The following MMP26 variants were observed in gnomAD, a reference collection of about 807,000 sequenced individuals.
MMP26 encodes matrix metallopeptidase 26, also known as matrix metalloproteinase-26.
A neutral mutation model predicts 31.0 loss-of-function variants in MMP26; 33 were observed. The observed-to-expected ratio is 1.06, with a 90% CI of 0.81 to 1.42. The LOEUF (loss-of-function observed/expected upper bound fraction) is 1.42. Among genes scored for constraint, MMP26 ranks in the 40% most tolerant of loss-of-function variants. MMP26 has a pLI of 0.00. For missense variants in MMP26, 347 were observed against 316.1 expected (o/e 1.10, Z -0.74); for synonymous variants, 122 against 114.9 (o/e 1.06, Z -0.40).
chr11:4,842,866 A>G (rs1364240707), intron 2 of MMP26, among the ~76,000 whole-genome samples: 3 of 152,222 alleles, frequency 2.0e-5, no homozygotes, highest in Non-Finnish European at 4.4e-5. Context: ...CAAGTTATTT[A>G]CTTACAAGAG....
In MMP26 at chr11:4,936,576, G is replaced by T. The variant is rs138797481; in HGVS notation, c.-144-51492G>T. On this transcript the variant is annotated intron_variant, in intron 2 of 7. Transcript: ENST00000380390. ...GATAAAAGATTGAGGAAAATAGTTAGATCTTCACTGATTATTTTTAAATTA... is the reference window on the plus strand; with the variant it reads ...GATAAAAGATTGAGGAAAATAGTTATATCTTCACTGATTATTTTTAAATTA... Among the ~76,000 whole-genome samples, 11 of 152,194 alleles carry T rather than the reference G, an allele frequency of 7.2e-5. No homozygotes were observed. The South Asian group carries it at 2.3e-3, about 32-fold the overall frequency.
At chr11:4,719,888 G>A (rs1847987698) in intron 1 of MMP26, among the ~76,000 whole-genome samples, 1 of 152,146 alleles carries the variant, frequency 6.6e-6, no homozygotes, top group Non-Finnish European at 1.5e-5. Context: ...AAAAGAGAAA[G>A]TGTCTACTTA....
At chr11:4,931,434 A>G (rs901826383) in intron 2 of MMP26, among the ~76,000 whole-genome samples, 1 of 152,102 alleles carries the variant, frequency 6.6e-6, no homozygotes, top group Non-Finnish European at 1.5e-5. Context: ...AAGAAGAGGA[A>G]CAAAGAGCCA....
At chr11:4,883,194 A>C (rs1435631782) in intron 2 of MMP26, among the ~76,000 whole-genome samples, 1 of 151,266 alleles carries the variant, frequency 6.6e-6, no homozygotes, top group African/African-American at 2.4e-5. Flanking sequence ...TAATTTTTAG[A>C]CCAGAAGTAA....
chr11:4,767,910 TTCTG>T (rs1321682350), intron 2 of MMP26, among the ~76,000 whole-genome samples: 1 of 152,208 alleles, frequency 6.6e-6, no homozygotes, highest in Non-Finnish European at 1.5e-5. Context: ...ATTTTTAAGC[TTCTG>T]TCTGTCTCTT....
At chr11:4,766,273 G>C (rs944228410) in intron 1 of MMP26, among the ~76,000 whole-genome samples, 1 of 152,194 alleles carries the variant, frequency 6.6e-6, no homozygotes, top group African/African-American at 2.4e-5. Flanking sequence ...GAGATGGAGA[G>C]AGCTCCAGGA....
chr11:4,894,986 A>G (rs976515580), intron 2 of MMP26, among the ~76,000 whole-genome samples: 1 of 152,222 alleles, frequency 6.6e-6, no homozygotes, highest in Non-Finnish European at 1.5e-5. Context: ...CTTTGAGAAT[A>G]AGAGGTAGAG....
chr11:4,871,632 A>G (rs751775355), intron 2 of MMP26: 7 of 152,218 alleles, frequency 4.6e-5, no homozygotes, highest in Non-Finnish European at 5.9e-5. Flanking sequence ...AAGTCTCCAT[A>G]GAATCACTCC....
At chr11:4,874,023 A>G (rs1365228874) in intron 2 of MMP26, among the ~76,000 whole-genome samples, 1 of 152,016 alleles carries the variant, frequency 6.6e-6, no homozygotes, top group African/African-American at 2.4e-5. Flanking sequence ...CCTCAATCCA[A>G]TCAGACCCAT....
chr11:4,745,966 G>A (rs1848374894), intron 1 of MMP26, among the ~76,000 whole-genome samples: 1 of 152,122 alleles, frequency 6.6e-6, no homozygotes, highest in African/African-American at 2.4e-5. Flanking sequence ...ATATTCCCTG[G>A]TAGAGATGTA....
intron 2 of MMP26, chr11:4,794,256 G>C (rs191275364): frequency 2.6e-5 from 4 of 152,284 alleles, no homozygotes; most frequent in African/African-American, 9.6e-5. Context: ...AGTACACTCT[G>C]TGTCATTGTG....
intron 2 of MMP26, chr11:4,903,708 A>C (rs1304271360): frequency 6.6e-6 from 1 of 152,140 alleles, no homozygotes; most frequent in African/African-American, 2.4e-5. Flanking sequence ...TCACCTGAGG[A>C]AAAGAGAAGT....
intron 2 of MMP26, among the ~76,000 whole-genome samples, chr11:4,929,457 A>AATTAGCAG (rs1851316556): frequency 6.6e-6 from 1 of 152,146 alleles, no homozygotes; most frequent in African/African-American, 2.4e-5. Context: ...AGAAGAAAAA[A>AATTAGCAG]ATTAGCATCA....
intron 2 of MMP26, among the ~76,000 whole-genome samples, chr11:4,783,070 A>C (rs776585516): frequency 2.6e-5 from 4 of 152,234 alleles, no homozygotes; most frequent in Admixed American, 6.5e-5. Flanking sequence ...CAGAGCCCCT[A>C]CTGGGGCACC....
chr11:4,806,234 A>G (rs1849267680), intron 2 of MMP26, among the ~76,000 whole-genome samples: 2 of 151,364 alleles, frequency 1.3e-5, no homozygotes, highest in South Asian at 4.2e-4. Context: ...GATGTCTGTT[A>G]GGTCCGCTTG....
At chr11:4,867,814 C>A (rs1273552030) in intron 2 of MMP26, among the ~76,000 whole-genome samples, 1 of 152,006 alleles carries the variant, frequency 6.6e-6, no homozygotes, top group Non-Finnish European at 1.5e-5. Context: ...TTAGTTCAAC[C>A]ATTGTGGAAG....
At chr11:4,821,296 T>C in intron 2 of MMP26, 1 of 1,111,524 alleles carries the variant, frequency 9.0e-7, no homozygotes, top group Non-Finnish European at 1.3e-6. Context: ...AAATTCAAGT[T>C]CTTTGAAAAT....
intron 2 of MMP26, chr11:4,907,673 T>A: frequency 3.1e-6 from 5 of 1,614,100 alleles, no homozygotes; most frequent in Non-Finnish European, 4.2e-6. Flanking sequence ...TGCTCAAGAA[T>A]TCTTCATTCA....
chr11:4,990,870 C>T, intron 5 of MMP26, 124 bp downstream of exon 5: 1 of 998,958 alleles, frequency 1.0e-6, no homozygotes, highest in Non-Finnish European at 1.4e-6. Flanking sequence ...CTGACAAAAC[C>T]CTACTGCAAA....
Sources: gnomAD v4.1 joint callset for allele counts (sites outside exome capture counted in the v4.1 genomes callset) on GRCh38, gnomAD v4.1.1 for gene constraint, MANE v1.5 for transcripts, NCBI Gene and HGNC (gene_info 2026-07-23, HGNC 2026-07-21) for gene names.